COL6A2: variants seen among roughly 807,000 people sequenced by gnomAD.
COL6A2 encodes collagen type VI alpha 2 chain.
In COL6A2, 90 loss-of-function variants were observed where a neutral mutation model predicts 124.9. That is an observed-to-expected ratio of 0.72 (90% CI 0.61 to 0.86). The LOEUF (loss-of-function observed/expected upper bound fraction) is 0.86, where lower values mean the gene tolerates loss of function less well. Among genes scored for constraint, COL6A2 ranks in the 40% least tolerant of loss-of-function variants. The pLI is 0.00. For missense variants in COL6A2, 1,607 were observed against 1,502.5 expected (o/e 1.07, Z -1.15); for synonymous variants, 793 against 618.2 (o/e 1.28, Z -4.19).
intron 26 of COL6A2, 69 bp downstream of exon 26, chr21:46,126,306 C>T (rs2078666942): frequency 6.4e-7 from 1 of 1,562,712 alleles, no homozygotes; most frequent in African/African-American, 1.3e-5. Flanking sequence ...GCGTGAGCCC[C>T]AGGGACACCC....
chr21:46,122,360 CAG>C, intron 19 of COL6A2, 134 bp from the exon 20 acceptor site: 1 of 1,328,994 alleles, frequency 7.5e-7, no homozygotes, highest in Admixed American at 1.7e-5. Context: ...GAGCACAGCT[CAG>C]AACGCAGCAC....
chr21:46,121,837 ATCCT>A (rs2078571534), intron 18 of COL6A2, among the ~76,000 whole-genome samples: 1 of 152,200 alleles, frequency 6.6e-6, no homozygotes, highest in East Asian at 1.9e-4. Context: ...TGCATGGCAC[ATCCT>A]TCCTGAGGCA....
intron 5 of COL6A2, among the ~76,000 whole-genome samples, chr21:46,114,436 A>G (rs562624799): frequency 4.5e-4 from 68 of 152,056 alleles, no homozygotes; most frequent in African/African-American, 1.4e-3. Flanking sequence ...AAAAAAAAAA[A>G]AAAAGAAAAG....
rs59060956 is a variant in COL6A2 at position 46,116,926 on chromosome 21, TACACACACACACACAC to T, written c.999+127_999+142del. 5.2e-5 allele frequency: 33 copies of T among 639,336 alleles called. 1 individual carries two copies. Among genetic ancestry groups the T allele is most frequent in the South Asian group, 4.5e-4 (25 of 54,998 alleles). 39.6% of individuals were successfully genotyped at this position (639,336 alleles called of 1,614,324 possible). A position where few individuals can be genotyped will look rare whatever the true frequency, so the allele number is the denominator to read the frequency against. ...CAGCTTACACATGTGTACACACGCA[TACACACACACACACAC>T]ACACACACACACACGAACTTCAGCT... is the stretch of plus-strand genomic sequence containing the variant. On this transcript the variant is annotated intron_variant, in intron 10 of 27. Coordinates refer to ENST00000300527, the MANE Select transcript of COL6A2 (RefSeq NM_001849.4). The surrounding 1 kb of genome is among the most constrained non-coding windows in gnomAD (Gnocchi z 4.6).
Position 46,117,563 on chromosome 21 carries a change from C to A in COL6A2, c.1053+110C>A, listed in dbSNP as rs868269677. ...TGGGAGCGTGGGTTCTCCCGGCAGC[C>A]CAGCAGCCCCAGCCCAGCAGCCCCA... is the stretch of plus-strand genomic sequence containing the variant. On this transcript the variant is annotated intron_variant, in intron 11 of 27. Coordinates refer to ENST00000300527, the MANE Select transcript of COL6A2 (RefSeq NM_001849.4). The A allele has an allele frequency of 4.5e-4, 491 of 1,081,948 alleles. 3 individuals are homozygous for A. The African/African-American group carries it at 7.0e-3, about 15-fold the overall frequency. 67.0% of individuals were successfully genotyped at this position (1,081,948 alleles called of 1,614,324 possible).
intron 13 of COL6A2, 127 bp from the exon 14 acceptor site, chr21:46,118,902 GC>G: frequency 2.1e-6 from 2 of 945,950 alleles, no homozygotes; most frequent in Non-Finnish European, 3.4e-6. Context: ...ACCCTGCAGG[GC>G]CCCCATGTGC....
At chr21:46,112,659 C>G in intron 3 of COL6A2, 82 bp downstream of exon 3, 1 of 1,593,356 alleles carries the variant, frequency 6.3e-7, no homozygotes, top group Non-Finnish European at 8.6e-7. Context: ...TCACTTTACC[C>G]CTCTGTGAGT....
chr21:46,118,909 T>A, intron 13 of COL6A2, 121 bp from the exon 14 acceptor site: 1 of 971,424 alleles, frequency 1.0e-6, no homozygotes, highest in African/African-American at 1.6e-5. Flanking sequence ...AGGGCCCCCA[T>A]GTGCCTGGCA....
chr21:46,120,215 C>T (rs958245652), intron 15 of COL6A2, among the ~76,000 whole-genome samples: 3 of 121,242 alleles, frequency 2.5e-5, no homozygotes, highest in African/African-American at 8.3e-5. Flanking sequence ...TGTGGTAAAA[C>T]CCCGGCCACC....
chr21:46,130,177 C>CATT (rs2078742571), intron 27 of COL6A2, among the ~76,000 whole-genome samples: 1 of 152,196 alleles, frequency 6.6e-6, no homozygotes, highest in Non-Finnish European at 1.5e-5. Flanking sequence ...CACAGTAGGG[C>CATT]GAATGGCCAC....
chr21:46,103,102 A>T (rs1837612710), intron 1 of COL6A2, among the ~76,000 whole-genome samples: 4 of 152,090 alleles, frequency 2.6e-5, no homozygotes, highest in Non-Finnish European at 5.9e-5. Context: ...CTTACTAGTT[A>T]TGTCTATTCA....
chr21:46,132,227 A>C lies in COL6A2; in HGVS notation c.2735A>C (p.Asn912Thr). The change falls in exon 28 of 28, where the codon AAC becomes ACC. Residue 912 changes from asparagine (N) to threonine (T), a missense_variant. Physicochemically the swap from Asn to Thr is moderately conservative, Grantham distance 65. Transcript: ENST00000300527. ...HEALETTQYL[N>T]SFSHVGAGVV... Reference sequence around the variant, plus strand: ...GCGCTGGAGACCACACAATACCTGAACTCCTTCTCGCACGTGGGCGCAGGC... The same window carrying C: ...GCGCTGGAGACCACACAATACCTGACCTCCTTCTCGCACGTGGGCGCAGGC... The C allele has an allele frequency of 6.3e-7, 1 of 1,597,134 alleles. No individual in the cohort carries two copies. Among genetic ancestry groups the C allele is most frequent in the Non-Finnish European group, 8.5e-7 (1 of 1,173,438 alleles).
intron 5 of COL6A2, among the ~76,000 whole-genome samples, chr21:46,114,562 C>T (rs2123622369): frequency 6.6e-6 from 1 of 152,222 alleles, no homozygotes; most frequent in East Asian, 1.9e-4. Flanking sequence ...AAAGCAGAAG[C>T]TTGTAAAAAA....
rs1208443083 is a variant in COL6A2, at chr21:46,116,250, CTGTT to C, written c.901-123_901-120del. On this transcript the variant is annotated intron_variant, in intron 7 of 27. Coordinates refer to ENST00000300527, the MANE Select transcript of COL6A2 (RefSeq NM_001849.4). This position sits in a 1 kb window ranked among gnomAD's most constrained non-coding sequence, Gnocchi z 4.6. ...CCCAGGGCTCAGCCTCCTCCGCAGA[CTGTT>C]TGTCGAGAACACTAGATGCCAGCGG... 24 of 1,243,906 alleles carry C rather than the reference CTGTT, an allele frequency of 1.9e-5. No homozygotes were observed. Among genetic ancestry groups the C allele is most frequent in the Non-Finnish European group, 2.6e-5 (23 of 869,226 alleles). The allele number at this position is 1,243,906 out of a possible 1,614,324, so 77.1% of individuals were successfully genotyped here.
intron 20 of COL6A2, 25 bp downstream of exon 20, chr21:46,122,556 T>C (rs994175982): frequency 6.2e-7 from 1 of 1,612,214 alleles, no homozygotes; most frequent in Middle Eastern, 1.7e-4. Context: ...TGGCCACCTG[T>C]GCCCACCCAG....
Position 46,107,222 on chromosome 21 carries a change from C to G in COL6A2, c.-27-4228C>G, listed in dbSNP as rs138432098. The stretch of plus-strand genomic sequence containing the variant: ...TTTCTTCTAACTGATAGAAGAAAAT[C>G]AATAACTTTTTGTATGTTGAGGACT... On this transcript the variant is annotated intron_variant, in intron 1 of 27. Coordinates refer to ENST00000300527, the MANE Select transcript of COL6A2 (RefSeq NM_001849.4). Among the ~76,000 whole-genome samples, 76 of 152,072 alleles carry G rather than the reference C, an allele frequency of 5.0e-4. 1 individual carries two copies. In the East Asian group the frequency reaches 0.014, roughly 27 times the overall value.
chr21:46,130,043 G>T (rs936246600), intron 27 of COL6A2, among the ~76,000 whole-genome samples: 6 of 152,310 alleles, frequency 3.9e-5, no homozygotes, highest in Middle Eastern at 6.8e-3. Context: ...CTAATCCCGT[G>T]CATGGTGACT....
chr21:46,129,818 C>A, intron 27 of COL6A2: 4 of 1,135,762 alleles, frequency 3.5e-6, no homozygotes, highest in Middle Eastern at 3.8e-4. Context: ...CTGCAGAGTC[C>A]TTCTTTGCTG....
chr21:46,127,046 G>T (rs1404661693), intron 27 of COL6A2, among the ~76,000 whole-genome samples: 1 of 152,318 alleles, frequency 6.6e-6, no homozygotes, highest in Admixed American at 6.5e-5. Flanking sequence ...CCATGTCCCG[G>T]ATGTGGCCCA....
Sources: gnomAD v4.1 joint callset for allele counts (sites outside exome capture counted in the v4.1 genomes callset) on GRCh38, gnomAD v4.1.1 for gene constraint, Gnocchi (gnomAD v3.1) non-coding constraint, MANE v1.5 for transcripts, NCBI Gene and HGNC (gene_info 2026-07-23, HGNC 2026-07-21) for gene names.